Variants in FGD5 observed in about 807,000 individuals in gnomAD.
FGD5 encodes the protein FYVE, RhoGEF and PH domain containing 5.
In FGD5, 28 loss-of-function variants were observed where a neutral mutation model predicts 133.4. The ratio of observed to expected loss-of-function variants is 0.21; its 90% CI spans 0.16 to 0.29. The LOEUF (loss-of-function observed/expected upper bound fraction) is 0.29, where lower values mean the gene tolerates loss of function less well. Ranked by LOEUF, FGD5 falls within the 10% of genes least tolerant of loss-of-function variation. The probability of loss-of-function intolerance (pLI) is 1.00; values close to 1 mark genes in which losing one functional copy is unlikely to be tolerated. For missense variants in FGD5, 1,858 were observed against 1,895.2 expected (o/e 0.98, Z 0.36); for synonymous variants, 810 against 776.5 (o/e 1.04, Z -0.72).
chr3:14,820,663 T>C lies in FGD5; in HGVS notation c.1592T>C (p.Leu531Ser), dbSNP rs779327101. 1.9e-6 allele frequency: 3 copies of C among 1,598,722 alleles called. No individual in the cohort carries two copies. In the South Asian group the frequency reaches 3.4e-5, roughly 18 times the overall value. The stretch of plus-strand genomic sequence containing the variant: ...CTTTTGTCATTGGAGGGGAAGCCCT[T>C]GGAAGCCAGCAGGGCCTTGCCAGCA... ...KTLLSLEGKPLEASRALPAKP... is the reference protein window; with the variant it reads ...KTLLSLEGKPSEASRALPAKP... Residue 531 changes from leucine (L) to serine (S), a missense_variant, in exon 1 of 20, where the codon TTG (leucine) becomes TCG (serine). Coordinates refer to ENST00000285046, the MANE Select transcript of FGD5 (RefSeq NM_152536.4).
At chr3:14,923,309 G>A in intron 16 of FGD5, 134 bp downstream of exon 16, 1 of 1,270,424 alleles carries the variant, frequency 7.9e-7, no homozygotes, top group Non-Finnish European at 1.1e-6. Flanking sequence ...CATGGAGGGA[G>A]GAAACAGAGG....
chr3:14,874,836 G>T (rs2037684772), intron 2 of FGD5, among the ~76,000 whole-genome samples: 1 of 152,190 alleles, frequency 6.6e-6, no homozygotes, highest in Admixed American at 6.5e-5. Flanking sequence ...AGTCACACCA[G>T]CCTAACTTCA....
At position 14,854,389 on chromosome 3, in the gene FGD5, TTTTATTTATTTA is replaced by T. The variant is rs71268415; in HGVS notation, c.2526-9704_2526-9693del. On this transcript the variant is annotated intron_variant, in intron 1 of 19. Coordinates refer to ENST00000285046, the MANE Select transcript of FGD5 (RefSeq NM_152536.4). Reference sequence around the variant, plus strand: ...GTCCTTTATTTTTTGTTTCTTTTCTTTTTATTTATTTATTTATTTATTTATTTATTTATTTAT... The same window carrying T: ...GTCCTTTATTTTTTGTTTCTTTTCTTTTTATTTATTTATTTATTTATTTAT... 8.5e-3 allele frequency among the ~76,000 whole-genome samples: 1,163 copies of T among 137,598 alleles called. 13 individuals are homozygous for T. Among genetic ancestry groups the T allele is most frequent in the African/African-American group, 0.029 (1,038 of 36,170 alleles). 90.3% of individuals were successfully genotyped at this position (137,598 alleles called of 152,430 possible).
intron 17 of FGD5, among the ~76,000 whole-genome samples, chr3:14,925,164 C>A (rs1195552161): frequency 2.4e-5 from 3 of 124,144 alleles, no homozygotes; most frequent in African/African-American, 9.2e-5. Context: ...CAAAAAAGTA[C>A]AAAACAGCAC....
intron 2 of FGD5, among the ~76,000 whole-genome samples, chr3:14,867,154 CCCT>C (rs1265363078): frequency 2.0e-5 from 3 of 152,160 alleles, no homozygotes; most frequent in African/African-American, 7.2e-5. Flanking sequence ...GGTGAAAGTC[CCCT>C]CGAACTCTCA....
intron 1 of FGD5, among the ~76,000 whole-genome samples, chr3:14,836,841 TGAA>T (rs1163760927): frequency 1.3e-5 from 2 of 152,178 alleles, no homozygotes; most frequent in Non-Finnish European, 2.9e-5. Flanking sequence ...CCACGTGCTT[TGAA>T]GAAGAGGCCT....
intron 2 of FGD5, among the ~76,000 whole-genome samples, chr3:14,871,951 G>A (rs181354904): frequency 3.0e-4 from 45 of 152,350 alleles, no homozygotes; most frequent in Admixed American, 9.1e-4. Flanking sequence ...CAGCACCCTA[G>A]CATCTGGGGG....
intron 9 of FGD5, among the ~76,000 whole-genome samples, chr3:14,902,337 C>T (rs904461834): frequency 2.7e-5 from 4 of 149,268 alleles, no homozygotes; most frequent in Non-Finnish European, 4.4e-5. Context: ...AGGATTTGCA[C>T]ACATGCCAGG....
intron 4 of FGD5, among the ~76,000 whole-genome samples, chr3:14,892,773 C>A (rs1490206088): frequency 6.6e-6 from 1 of 151,546 alleles, no homozygotes; most frequent in Non-Finnish European, 1.5e-5. Flanking sequence ...GAGCCAAGAT[C>A]ATGCCATTGC....
intron 2 of FGD5, among the ~76,000 whole-genome samples, chr3:14,879,478 T>C (rs1289422618): frequency 6.6e-6 from 1 of 152,212 alleles, no homozygotes; most frequent in Non-Finnish European, 1.5e-5. Context: ...TCTCAGTCTA[T>C]TTCCAGATCA....
At chr3:14,833,576 T>C (rs1575195618) in intron 1 of FGD5, among the ~76,000 whole-genome samples, 1 of 152,170 alleles carries the variant, frequency 6.6e-6, no homozygotes, top group East Asian at 1.9e-4. Flanking sequence ...GCCAGGAAGT[T>C]TGAGCTCTTG....
At chr3:14,849,551 G>A (rs1226708513) in intron 1 of FGD5, among the ~76,000 whole-genome samples, 1 of 152,158 alleles carries the variant, frequency 6.6e-6, no homozygotes, top group Admixed American at 6.5e-5. Flanking sequence ...TATAATAATA[G>A]TGCTTACCTC....
chr3:14,812,099 T>G (rs542206139), intron 1 of FGD5, among the ~76,000 whole-genome samples: 2 of 152,144 alleles, frequency 1.3e-5, no homozygotes, highest in Non-Finnish European at 2.9e-5. Context: ...AGTCATTGTT[T>G]TAGCAGTGAG....
Position 14,910,103 on chromosome 3 carries a change from AT to A in FGD5, c.3337-757del, listed in dbSNP as rs370091930. Among the ~76,000 whole-genome samples, 13 of 152,310 alleles carry A rather than the reference AT, an allele frequency of 8.5e-5. No individual in the cohort carries two copies. In the South Asian group the frequency reaches 1.4e-3, roughly 17 times the overall value. Reference sequence around the variant, plus strand: ...TTCATGAAGCCAAATTTGCAAAAAAATAAAAATAAAAAATACATAAAATGAA... The same window carrying A: ...TTCATGAAGCCAAATTTGCAAAAAAAAAAAATAAAAAATACATAAAATGAA... On this transcript the variant is annotated intron_variant, in intron 10 of 19. Coordinates refer to ENST00000285046, the MANE Select transcript of FGD5 (RefSeq NM_152536.4).
chr3:14,904,742 A>G (rs999226319), intron 9 of FGD5, among the ~76,000 whole-genome samples: 4 of 152,232 alleles, frequency 2.6e-5, no homozygotes, highest in Non-Finnish European at 5.9e-5. Flanking sequence ...GCAAAGAAAT[A>G]TATGTGTATA....
chr3:14,867,665 A>G (rs752667360), intron 2 of FGD5, among the ~76,000 whole-genome samples: 3 of 134,682 alleles, frequency 2.2e-5, no homozygotes, highest in Non-Finnish European at 4.7e-5. Flanking sequence ...TTCCCAAGTG[A>G]GTGACCTTCC....
At chr3:14,931,270 G>C (rs1273281310) in intron 18 of FGD5, 1 of 152,210 alleles carries the variant, frequency 6.6e-6, no homozygotes, top group African/African-American at 2.4e-5. Flanking sequence ...TTTTTACCAT[G>C]AATGGATATT....
intron 1 of FGD5, among the ~76,000 whole-genome samples, chr3:14,835,425 G>A (rs2036798391): frequency 6.6e-6 from 1 of 151,940 alleles, no homozygotes; most frequent in South Asian, 2.1e-4. Context: ...GCTTGAACCT[G>A]GGAGGTGGAG....
At chr3:14,902,098 A>G (rs1169922008) in intron 9 of FGD5, among the ~76,000 whole-genome samples, 2 of 151,986 alleles carry the variant, frequency 1.3e-5, no homozygotes, top group African/African-American at 4.8e-5. Flanking sequence ...CCTGGCCAAC[A>G]TGATGAAACC....
Sources: gnomAD v4.1 joint callset for allele counts (sites outside exome capture counted in the v4.1 genomes callset) on GRCh38, gnomAD v4.1.1 for gene constraint, MANE v1.5 for transcripts, NCBI Gene and HGNC (gene_info 2026-07-23, HGNC 2026-07-21) for gene names.